Variants in ANKRD6 observed in about 807,000 individuals in gnomAD.
ANKRD6 encodes ankyrin repeat domain 6.
ANKRD6 carries 56 observed loss-of-function variants against 82.3 expected under a neutral mutation model. The observed-to-expected ratio is 0.68, with a 90% CI of 0.55 to 0.85. ANKRD6 has a LOEUF of 0.85. ANKRD6 is among the 40% of genes least tolerant of loss of function. ANKRD6 has a pLI of 0.00. For missense variants in ANKRD6, 852 were observed against 907.6 expected (o/e 0.94, Z 0.79); for synonymous variants, 347 against 352.1 (o/e 0.99, Z 0.16).
At chr6:89,527,294 A>G (rs1782605085) in intron 1 of ANKRD6, among the ~76,000 whole-genome samples, 1 of 152,184 alleles carries the variant, frequency 6.6e-6, no homozygotes, top group Admixed American at 6.5e-5. Context: ...TGTATATACC[A>G]TAATTTAAAA....
At chr6:89,457,529 A>G (rs1209709618) in intron 1 of ANKRD6, among the ~76,000 whole-genome samples, 1 of 152,172 alleles carries the variant, frequency 6.6e-6, no homozygotes, top group Admixed American at 6.6e-5. Flanking sequence ...ATAAATTTTT[A>G]TGCTTAATCT....
At position 89,445,264 on chromosome 6, in the gene ANKRD6, C is replaced by CTTTTT. The variant is rs1227274602; in HGVS notation, c.-144+11909_-144+11913dup. 7.1e-3 allele frequency among the ~76,000 whole-genome samples: 456 copies of CTTTTT among 64,030 alleles called. 1 individual carries two copies. Among genetic ancestry groups the CTTTTT allele is most frequent in the Middle Eastern group, 0.021 (1 of 48 alleles). 42.0% of individuals were successfully genotyped at this position (64,030 alleles called of 152,430 possible). A position where few individuals can be genotyped will look rare whatever the true frequency, so the allele number is the denominator to read the frequency against. ...CGGTGATCTGTGATCAGAGATCTTTCTTTTTTTTTTTTTTTTTTTTTTTTG... is the reference window on the plus strand; with the variant it reads ...CGGTGATCTGTGATCAGAGATCTTTCTTTTTTTTTTTTTTTTTTTTTTTTTTTTTG... On this transcript the variant is annotated intron_variant, in intron 1 of 15. Coordinates refer to ENST00000339746, the MANE Select transcript of ANKRD6 (RefSeq NM_001242809.2).
intron 1 of ANKRD6, among the ~76,000 whole-genome samples, chr6:89,539,440 T>C (rs567890901): frequency 1.5e-4 from 23 of 152,156 alleles, no homozygotes; most frequent in Non-Finnish European, 2.8e-4. Flanking sequence ...ATTTTTAATA[T>C]GAAAAATAAT....
chr6:89,483,206 A>T (rs1776995398), intron 1 of ANKRD6, among the ~76,000 whole-genome samples: 1 of 152,162 alleles, frequency 6.6e-6, no homozygotes, highest in African/African-American at 2.4e-5. Flanking sequence ...CGCCTGGTAG[A>T]TTGCTGATGT....
chr6:89,503,655 A>G (rs994293916), intron 1 of ANKRD6, among the ~76,000 whole-genome samples: 1 of 152,270 alleles, frequency 6.6e-6, no homozygotes, highest in African/African-American at 2.4e-5. Flanking sequence ...AGAGGGTGAC[A>G]AATGGTAAAC....
intron 2 of ANKRD6, among the ~76,000 whole-genome samples, chr6:89,575,900 A>C (rs1157956895): frequency 2.0e-5 from 3 of 152,168 alleles, no homozygotes; most frequent in African/African-American, 7.2e-5. Context: ...TTGTCCACTA[A>C]GTAAGGATGG....
At chr6:89,580,669 G>A (rs1792315760) in intron 2 of ANKRD6, among the ~76,000 whole-genome samples, 3 of 152,112 alleles carry the variant, frequency 2.0e-5, no homozygotes, top group African/African-American at 2.4e-5. Context: ...AGGGATTTGC[G>A]ATGCTGGTGT....
rs372121493 is a variant in ANKRD6, at chr6:89,613,849, C to G, written c.574C>G (p.Leu192Val). Residue 192 changes from leucine to valine, a missense_variant, in exon 7 of 16, where the codon CTC (leucine) becomes GTC (valine). Coordinates refer to ENST00000339746, the MANE Select transcript of ANKRD6 (RefSeq NM_001242809.2). ...CTATAATCACTTGTCCATCATTAGGCTCCTCCTCACTGCTTTCTGTTCTGT... is the reference window on the plus strand; with the variant it reads ...CTATAATCACTTGTCCATCATTAGGGTCCTCCTCACTGCTTTCTGTTCTGT... The part of the protein sequence containing the change: ...ARYNHLSIIR[L>V]LLTAFCSVHE... 6.2e-7 allele frequency: 1 copy of G among 1,614,014 alleles called. No individual in the cohort carries two copies. The highest frequency in any genetic ancestry group is 8.5e-7 in the Non-Finnish European group (1 of 1,179,876).
intron 1 of ANKRD6, among the ~76,000 whole-genome samples, chr6:89,540,351 G>A (rs574406598): frequency 9.2e-5 from 14 of 152,124 alleles, no homozygotes; most frequent in Middle Eastern, 3.4e-3. Flanking sequence ...ATGATATCTC[G>A]TAGTTTTGGT....
intron 1 of ANKRD6, among the ~76,000 whole-genome samples, chr6:89,480,786 G>GTT (rs967621325): frequency 6.9e-6 from 1 of 144,518 alleles, no homozygotes; most frequent in African/African-American, 2.6e-5. Context: ...TTTTTTTTTT[G>GTT]TTTTTTTTTG....
intron 1 of ANKRD6, among the ~76,000 whole-genome samples, chr6:89,564,066 C>T (rs1255812305): frequency 1.3e-5 from 2 of 152,126 alleles, no homozygotes; most frequent in African/African-American, 4.8e-5. Flanking sequence ...AGTAAGGAGG[C>T]GATTACTGGG....
Position 89,613,876 on chromosome 6 carries a change from C to G in ANKRD6, c.601C>G (p.His201Asp), listed in dbSNP as rs759043099. The G allele has an allele frequency of 1.2e-6, 2 of 1,613,922 alleles. No individual in the cohort carries two copies. The highest frequency in any genetic ancestry group is 1.7e-6 in the Non-Finnish European group (2 of 1,179,862). The change falls in exon 7 of 16, where the codon CAT becomes GAT. Residue 201 changes from histidine (H) to aspartate (D), a missense_variant. Coordinates refer to ENST00000339746, the MANE Select transcript of ANKRD6 (RefSeq NM_001242809.2). ...RLLLTAFCSVHEKNQAGDTAL... is the reference protein window; with the variant it reads ...RLLLTAFCSVDEKNQAGDTAL... The stretch of plus-strand genomic sequence containing the variant: ...CCTCCTCACTGCTTTCTGTTCTGTC[C>G]ATGAAAAGAACCAGGTCAGTGCATG...
chr6:89,511,581 T>C (rs569430730), intron 1 of ANKRD6, among the ~76,000 whole-genome samples: 1 of 152,338 alleles, frequency 6.6e-6, no homozygotes, highest in East Asian at 1.9e-4. Context: ...TGAGCCTTTG[T>C]TTCTAATCTG....
intron 5 of ANKRD6, among the ~76,000 whole-genome samples, chr6:89,608,368 C>CACACTATATATATATATATATATATATA: frequency 1.6e-4 from 21 of 130,794 alleles, no homozygotes; most frequent in African/African-American, 6.1e-4. Context: ...CACACACACA[C>CACACTATATATATATATATATATATATA]TATATATATA....
rs35855223 is a variant in ANKRD6 at position 89,527,601 on chromosome 6, C to CAAA, written c.-143-39210_-143-39208dup. Among the ~76,000 whole-genome samples, 246 of 45,498 alleles carry CAAA rather than the reference C, an allele frequency of 5.4e-3. 6 individuals carry two copies. Among genetic ancestry groups the CAAA allele is most frequent in the Middle Eastern group, 0.025 (1 of 40 alleles). 29.8% of individuals were successfully genotyped at this position (45,498 alleles called of 152,430 possible). A position where few individuals can be genotyped will look rare whatever the true frequency, so the allele number is the denominator to read the frequency against. On this transcript the variant is annotated intron_variant, in intron 1 of 15. Coordinates refer to ENST00000339746, the MANE Select transcript of ANKRD6 (RefSeq NM_001242809.2). The stretch of plus-strand genomic sequence containing the variant: ...TGAGCAAGACAGGGAGACTCCGTCT[C>CAAA]AAAAAAAAAAAAAAAAAAAAAAAAA...
chr6:89,514,207 T>G lies in ANKRD6; in HGVS notation c.-143-52627T>G, dbSNP rs1780923295. 5.3e-5 allele frequency among the ~76,000 whole-genome samples: 8 copies of G among 152,086 alleles called. No homozygotes were observed. In the South Asian group the frequency reaches 1.7e-3, roughly 32 times the overall value. Reference sequence around the variant, plus strand: ...ACCCTGGCCAACATGGTGAAACCCATCTGTACTAAAAATACAAAAAATTAG... The same window carrying G: ...ACCCTGGCCAACATGGTGAAACCCAGCTGTACTAAAAATACAAAAAATTAG... On this transcript the variant is annotated intron_variant, in intron 1 of 15. Coordinates refer to ENST00000339746, the MANE Select transcript of ANKRD6 (RefSeq NM_001242809.2).
Position 89,456,998 on chromosome 6 carries a change from C to T in ANKRD6, c.-144+23623C>T, listed in dbSNP as rs184607601. On this transcript the variant is annotated intron_variant, in intron 1 of 15. Coordinates refer to ENST00000339746, the MANE Select transcript of ANKRD6 (RefSeq NM_001242809.2). ...CCATAAAGGCAATTGCAGTCACATG[C>T]CAGGTGGGGCTGCAGTCATCTGAAA... 3.9e-5 allele frequency among the ~76,000 whole-genome samples: 6 copies of T among 152,234 alleles called. 1 individual carries two copies. In the East Asian group the frequency reaches 1.2e-3, roughly 29 times the overall value.
chr6:89,587,418 G>A (rs1583504205), intron 2 of ANKRD6, among the ~76,000 whole-genome samples: 1 of 152,308 alleles, frequency 6.6e-6, no homozygotes, highest in African/African-American at 2.4e-5. Flanking sequence ...GAACCCGGGA[G>A]GTGGAGGTTG....
intron 5 of ANKRD6, among the ~76,000 whole-genome samples, chr6:89,607,727 C>G (rs1289405953): frequency 2.0e-5 from 3 of 149,330 alleles, no homozygotes; most frequent in Non-Finnish European, 4.4e-5. Context: ...ACACTGTCGG[C>G]TTATTGCAAC....
Sources: allele counts gnomAD v4.1 joint callset (sites outside exome capture counted in the v4.1 genomes callset), GRCh38; gene constraint gnomAD v4.1.1; transcripts MANE v1.5; gene names NCBI Gene and HGNC (gene_info 2026-07-23, HGNC 2026-07-21).